The following KCNIP4 variants were observed in gnomAD, a reference collection of about 807,000 sequenced individuals.
KCNIP4 encodes potassium voltage-gated channel interacting protein 4, also known as Kv channel-interacting protein 4.
In KCNIP4, 12 loss-of-function variants were observed where a neutral mutation model predicts 34.0. The ratio of observed to expected loss-of-function variants is 0.35; its 90% CI spans 0.23 to 0.57. KCNIP4 has a LOEUF of 0.57. Ranked by LOEUF, KCNIP4 falls within the 20% of genes least tolerant of loss-of-function variation. The probability of loss-of-function intolerance (pLI) is 0.83; values close to 1 mark genes in which losing one functional copy is unlikely to be tolerated. For missense variants in KCNIP4, 238 were observed against 311.7 expected, an observed-to-expected ratio of 0.76 and a Z score of 1.78; for synonymous variants, 124 against 102.2, an observed-to-expected ratio of 1.21 and a Z score of -1.29.
At chr4:21,767,106 G>T (rs1456309388) in intron 1 of KCNIP4, among the ~76,000 whole-genome samples, 1 of 152,126 alleles carries the variant, frequency 6.6e-6, no homozygotes, top group Non-Finnish European at 1.5e-5. Flanking sequence ...GTGAGGAAGA[G>T]AACTAGGGAG....
chr4:21,840,257 C>T (rs1479376604), intron 1 of KCNIP4, among the ~76,000 whole-genome samples: 1 of 151,660 alleles, frequency 6.6e-6, no homozygotes, highest in East Asian at 1.9e-4. Context: ...GAATGTCATT[C>T]CGGTGATGGG....
intron 1 of KCNIP4, chr4:21,844,763 A>C (rs1459178359): frequency 6.6e-6 from 1 of 152,070 alleles, no homozygotes; most frequent in Non-Finnish European, 1.5e-5. Context: ...CACAGTGTTC[A>C]TGAAGTCATT....
At chr4:21,669,140 C>T (rs1270226077) in intron 1 of KCNIP4, among the ~76,000 whole-genome samples, 6 of 144,580 alleles carry the variant, frequency 4.1e-5, no homozygotes, top group African/African-American at 1.5e-4. Flanking sequence ...TCCCTCCCTT[C>T]CTTCCTTCCT....
intron 1 of KCNIP4, among the ~76,000 whole-genome samples, chr4:21,721,151 T>C (rs565711598): frequency 3.3e-5 from 5 of 152,230 alleles, no homozygotes; most frequent in Admixed American, 3.3e-4. Context: ...AACGTTTACA[T>C]AGAAAGTACT....
chr4:21,703,607 A>G (rs1286334822), intron 1 of KCNIP4, among the ~76,000 whole-genome samples: 1 of 152,300 alleles, frequency 6.6e-6, no homozygotes, highest in Middle Eastern at 3.4e-3. Flanking sequence ...CTAGCAATGA[A>G]CATATGGGCA....
intron 3 of KCNIP4, among the ~76,000 whole-genome samples, chr4:20,787,075 G>A (rs1712101465): frequency 6.6e-6 from 1 of 152,114 alleles, no homozygotes; most frequent in Non-Finnish European, 1.5e-5. Context: ...GACAGTCTTG[G>A]TCTAGGGACC....
chr4:21,533,589 T>G (rs1032784165), intron 1 of KCNIP4, among the ~76,000 whole-genome samples: 10 of 152,174 alleles, frequency 6.6e-5, no homozygotes, highest in Non-Finnish European at 1.5e-4. Context: ...GCCATGTTGA[T>G]TTTAAACTAA....
chr4:21,252,023 TAAAA>T (rs1182568964), intron 1 of KCNIP4, among the ~76,000 whole-genome samples: 12 of 150,138 alleles, frequency 8.0e-5, no homozygotes, highest in African/African-American at 2.4e-4. Flanking sequence ...ATAATAATAA[TAAAA>T]GAAATATAAT....
At chr4:21,028,937 T>G (rs562952294) in intron 1 of KCNIP4, among the ~76,000 whole-genome samples, 1 of 152,334 alleles carries the variant, frequency 6.6e-6, no homozygotes, top group Admixed American at 6.5e-5. Flanking sequence ...CTACCTAAAG[T>G]ATTTCCATAG....
intron 3 of KCNIP4, among the ~76,000 whole-genome samples, chr4:20,764,771 A>G (rs938327563): frequency 2.0e-5 from 3 of 152,066 alleles, no homozygotes; most frequent in African/African-American, 7.2e-5. Flanking sequence ...TCTGAAAATT[A>G]CCAGTGGACA....
chr4:21,315,825 T>C (rs1578067366), intron 1 of KCNIP4, among the ~76,000 whole-genome samples: 1 of 152,288 alleles, frequency 6.6e-6, no homozygotes, highest in East Asian at 1.9e-4. Flanking sequence ...AAGGAACATG[T>C]AATTCCCCAG....
chr4:20,760,828 C>A (rs1314114707), intron 3 of KCNIP4, among the ~76,000 whole-genome samples: 3 of 151,976 alleles, frequency 2.0e-5, no homozygotes, highest in Non-Finnish European at 4.4e-5. Context: ...AAGAAAAAAA[C>A]AACCAAAAAC....
chr4:21,130,412 A>C, intron 1 of KCNIP4, among the ~76,000 whole-genome samples: 1 of 152,214 alleles, frequency 6.6e-6, no homozygotes, highest in East Asian at 1.9e-4. Flanking sequence ...GCCATTCTTC[A>C]AAATGCAATT....
At chr4:21,875,911 G>A (rs1026289444) in intron 1 of KCNIP4, among the ~76,000 whole-genome samples, 17 of 152,058 alleles carry the variant, frequency 1.1e-4, no homozygotes, top group African/African-American at 3.6e-4. Context: ...TATTGACTTA[G>A]AGGCATTTCA....
Position 20,787,560 on chromosome 4 carries a change from T to A in KCNIP4, c.289-28670A>T, listed in dbSNP as rs114235698. Among the ~76,000 whole-genome samples the A allele has an allele frequency of 7.3e-3, 1,111 of 152,204 alleles. 9 individuals carry two copies. Among genetic ancestry groups the A allele is most frequent in the African/African-American group, 0.025 (1,051 of 41,558 alleles). On this transcript the variant is annotated intron_variant, in intron 3 of 8. Transcript: ENST00000382152. ...TGGAATGAATGTAAATAAGTCTGTA[T>A]CTCTATGTATATGAATATTTTTAAG...
intron 1 of KCNIP4, among the ~76,000 whole-genome samples, chr4:21,058,843 C>T (rs1743652659): frequency 6.6e-6 from 1 of 152,044 alleles, no homozygotes; most frequent in Non-Finnish European, 1.5e-5. Context: ...GTAGGAACCC[C>T]TGATTCTTCT....
At chr4:21,463,933 G>A (rs1049514810) in intron 1 of KCNIP4, among the ~76,000 whole-genome samples, 1 of 152,070 alleles carries the variant, frequency 6.6e-6, no homozygotes, top group East Asian at 1.9e-4. Context: ...TGAATCAATG[G>A]TGGTTGTTTC....
chr4:20,956,617 A>G (rs550080769), intron 1 of KCNIP4, among the ~76,000 whole-genome samples: 16 of 152,372 alleles, frequency 1.1e-4, no homozygotes, highest in Admixed American at 2.6e-4. Context: ...CAGAAGAATA[A>G]AACAATAGAT....
At chr4:21,181,102 T>C (rs1415678660) in intron 1 of KCNIP4, among the ~76,000 whole-genome samples, 1 of 152,084 alleles carries the variant, frequency 6.6e-6, no homozygotes, top group African/African-American at 2.4e-5. Flanking sequence ...CCTGCTGCAG[T>C]AGAGGCACCT....
Sources: gnomAD v4.1 joint callset for allele counts (sites outside exome capture counted in the v4.1 genomes callset) on GRCh38, gnomAD v4.1.1 for gene constraint, MANE v1.5 for transcripts, NCBI Gene and HGNC (gene_info 2026-07-23, HGNC 2026-07-21) for gene names.